Variants in AUTS2 observed in about 807,000 individuals in gnomAD.
The protein encoded by AUTS2 is autism susceptibility gene 2 protein.
AUTS2 carries 17 observed loss-of-function variants against 112.4 expected under a neutral mutation model. The ratio of observed to expected loss-of-function variants is 0.15; its 90% confidence interval spans 0.10 to 0.23. The LOEUF is 0.23. AUTS2 is among the 10% of genes least tolerant of loss of function. The pLI is 1.00. For synonymous variants in AUTS2, 751 were observed against 702.7 expected (o/e 1.07, Z -1.09); for missense variants, 1,510 against 1,701.6 (o/e 0.89, Z 1.98).
intron 2 of AUTS2, among the ~76,000 whole-genome samples, chr7:69,903,096 A>G (rs1162310280): frequency 6.6e-6 from 1 of 152,062 alleles, no homozygotes; most frequent in Non-Finnish European, 1.5e-5. Context: ...AAGTTTTATC[A>G]TTTACTTACA....
intron 5 of AUTS2, among the ~76,000 whole-genome samples, chr7:70,607,167 G>C (rs916848221): frequency 2.6e-5 from 4 of 152,166 alleles, no homozygotes; most frequent in Admixed American, 2.6e-4. Flanking sequence ...TCTGCTGGGG[G>C]GCGAAGGTGG....
chr7:70,767,973 T>C (rs770417699), intron 9 of AUTS2, 51 bp from the exon 10 acceptor site: 1 of 1,588,862 alleles, frequency 6.3e-7, no homozygotes, highest in African/African-American at 1.3e-5. Flanking sequence ...ACTGTAGCAG[T>C]GAACAAAAAT....
intron 2 of AUTS2, among the ~76,000 whole-genome samples, chr7:70,051,160 T>C (rs1203722729): frequency 6.6e-6 from 1 of 152,216 alleles, no homozygotes; most frequent in East Asian, 1.9e-4. Flanking sequence ...TTGCTCATTT[T>C]TCAGACTACT....
chr7:69,835,370 T>C (rs867232252), intron 1 of AUTS2, among the ~76,000 whole-genome samples: 1 of 152,134 alleles, frequency 6.6e-6, no homozygotes, highest in African/African-American at 2.4e-5. Context: ...GTAGAAAATA[T>C]CATAAATAGA....
rs117939845 is a variant in AUTS2 at position 69,883,750 on chromosome 7, A to G, written c.310-15536A>G. On this transcript the variant is annotated intron_variant, in intron 1 of 18. Transcript: ENST00000342771. Reference sequence around the variant, plus strand: ...ATCTGCTCATGCACACACCCTCCCAACCTCACACAGCAGGCCTGGCCTTTA... The same window carrying G: ...ATCTGCTCATGCACACACCCTCCCAGCCTCACACAGCAGGCCTGGCCTTTA... Among the ~76,000 whole-genome samples, 50 of 152,130 alleles carry G rather than the reference A, an allele frequency of 3.3e-4. No individual in the cohort carries two copies. In the East Asian group the frequency reaches 8.9e-3, roughly 27 times the overall value.
rs1790017942 is a variant in AUTS2 at position 70,316,788 on chromosome 7, G to A, written c.661-118964G>A. ...AGATTCTTCAGGAAATATAGTGCAA[G>A]ACCAAAATTGGGTCCCAGGAAAAAT... is the stretch of plus-strand genomic sequence containing the variant. On this transcript the variant is annotated intron_variant, in intron 4 of 18. Transcript: ENST00000342771. The A allele has an allele frequency of 3.3e-5, 5 of 152,110 alleles. No homozygotes were observed. In the South Asian group the frequency reaches 8.3e-4, roughly 25 times the overall value. 9.4% of individuals were successfully genotyped at this position (152,110 alleles called of 1,614,324 possible). A position where few individuals can be genotyped will look rare whatever the true frequency, so the allele number is the denominator to read the frequency against.
intron 2 of AUTS2, among the ~76,000 whole-genome samples, chr7:70,095,634 G>A (rs947398107): frequency 3.3e-5 from 5 of 152,140 alleles, no homozygotes; most frequent in African/African-American, 1.2e-4. Flanking sequence ...CTCTACTTTA[G>A]TTTATAGGTT....
At chr7:70,093,258 A>T (rs1008661326) in intron 2 of AUTS2, among the ~76,000 whole-genome samples, 1 of 152,192 alleles carries the variant, frequency 6.6e-6, no homozygotes, top group Non-Finnish European at 1.5e-5. Flanking sequence ...TCGGCAGCTG[A>T]CATAACCTTC....
chr7:69,943,140 G>A (rs1256416536), intron 2 of AUTS2, among the ~76,000 whole-genome samples: 20 of 152,186 alleles, frequency 1.3e-4, no homozygotes, highest in Non-Finnish European at 2.9e-4. Flanking sequence ...GCATATTCAT[G>A]AGCTTTAAAT....
chr7:69,684,708 T>C (rs185934413), intron 1 of AUTS2, among the ~76,000 whole-genome samples: 9 of 152,350 alleles, frequency 5.9e-5, no homozygotes, highest in Non-Finnish European at 1.2e-4. Flanking sequence ...CTTTTATATC[T>C]TTTAGCTTAC....
intron 5 of AUTS2, among the ~76,000 whole-genome samples, chr7:70,536,332 T>C (rs894304316): frequency 1.1e-4 from 17 of 152,080 alleles, no homozygotes; most frequent in Admixed American, 9.2e-4. Flanking sequence ...AAGGGCATCA[T>C]TACATAGAGA....
intron 2 of AUTS2, among the ~76,000 whole-genome samples, chr7:69,979,116 T>A (rs565655596): frequency 2.0e-5 from 3 of 152,342 alleles, no homozygotes; most frequent in African/African-American, 7.2e-5. Context: ...TTCCTTGGGT[T>A]TTCTGTTAGA....
At chr7:69,840,519 G>A (rs1007846272) in intron 1 of AUTS2, among the ~76,000 whole-genome samples, 7 of 152,208 alleles carry the variant, frequency 4.6e-5, no homozygotes, top group African/African-American at 1.7e-4. Context: ...TGTAATATAT[G>A]TGTGGGTGGG....
At chr7:70,224,572 G>C (rs1193986102) in intron 4 of AUTS2, among the ~76,000 whole-genome samples, 1 of 152,084 alleles carries the variant, frequency 6.6e-6, no homozygotes, top group African/African-American at 2.4e-5. Flanking sequence ...AGGTTAATTT[G>C]TTATTGAAGA....
intron 2 of AUTS2, among the ~76,000 whole-genome samples, chr7:70,053,153 A>C (rs1404060409): frequency 5.3e-5 from 8 of 152,174 alleles, no homozygotes. Flanking sequence ...GATAACAATA[A>C]ATAATAGCCA....
intron 6 of AUTS2, among the ~76,000 whole-genome samples, chr7:70,746,686 T>C (rs1240293553): frequency 6.6e-6 from 1 of 152,030 alleles, no homozygotes; most frequent in Non-Finnish European, 1.5e-5. Flanking sequence ...GCGCAGGATC[T>C]TGGCGCACTG....
chr7:70,785,335 C>A, intron 16 of AUTS2: 1 of 575,310 alleles, frequency 1.7e-6, no homozygotes, highest in Non-Finnish European at 3.3e-6. Context: ...CTGTTCCTGC[C>A]CATTGGAAGA....
chr7:69,611,755 C>A (rs1447640738), intron 1 of AUTS2, among the ~76,000 whole-genome samples: 1 of 150,898 alleles, frequency 6.6e-6, no homozygotes, highest in Admixed American at 6.6e-5. Context: ...AAGGTGAAAC[C>A]CCGTCTCTAC....
chr7:70,571,595 AG>A (rs1463396089), intron 5 of AUTS2, among the ~76,000 whole-genome samples: 2 of 152,246 alleles, frequency 1.3e-5, no homozygotes, highest in African/African-American at 2.4e-5. Context: ...GGCCCACAAA[AG>A]GTGACTCACT....
Sources: gnomAD v4.1 joint callset for allele counts (sites outside exome capture counted in the v4.1 genomes callset) on GRCh38, gnomAD v4.1.1 for gene constraint, MANE v1.5 for transcripts, NCBI Gene and HGNC (gene_info 2026-07-23, HGNC 2026-07-21) for gene names.